The following CFAP210 variants were observed in gnomAD, a reference collection of about 807,000 sequenced individuals.
CFAP210 encodes the protein cilia and flagella associated protein 210, also known as cilia- and flagella- associated protein 210.
the CFAP210 span, among the ~76,000 whole-genome samples, chr2:169,668,477 G>C: frequency 6.6e-6 from 1 of 152,198 alleles, no homozygotes; most frequent in African/African-American, 2.4e-5. Flanking sequence ...CTGTTTGGTG[G>C]AAGAGACTCA....
chr2:169,656,641 T>G, the CFAP210 span, among the ~76,000 whole-genome samples: 2 of 152,040 alleles, frequency 1.3e-5, no homozygotes, highest in Non-Finnish European at 2.9e-5. Context: ...TGAGGCAAAC[T>G]TGAGAACAGA....
At chr2:169,681,053 T>C in the CFAP210 span, 8 of 1,613,818 alleles carry the variant, frequency 5.0e-6, no homozygotes, top group Non-Finnish European at 5.9e-6. Flanking sequence ...AGATCGCAAA[T>C]GCATTTCTTT....
chr2:169,692,444 G>GCACACA, the CFAP210 span, among the ~76,000 whole-genome samples: 346 of 143,784 alleles, frequency 2.4e-3, 1 homozygote, highest in East Asian at 0.011. Flanking sequence ...ACAGGCGCAC[G>GCACACA]CACACACACA....
At chr2:169,677,545 A>G in the CFAP210 span, among the ~76,000 whole-genome samples, 1 of 152,212 alleles carries the variant, frequency 6.6e-6, no homozygotes, top group Admixed American at 6.5e-5. Flanking sequence ...ACACTCAACA[A>G]TTTCGATATA....
chr2:169,646,268 A>G, the CFAP210 span: 1 of 978,100 alleles, frequency 1.0e-6, no homozygotes, highest in Non-Finnish European at 1.5e-6. Context: ...AAATGTAGGT[A>G]TAATTTTCTA....
chr2:169,693,386 G>A, the CFAP210 span, among the ~76,000 whole-genome samples: 1 of 152,240 alleles, frequency 6.6e-6, no homozygotes, highest in Admixed American at 6.5e-5. Context: ...TGGCCATGTT[G>A]GTACTGTTTC....
At chr2:169,661,758 C>T in the CFAP210 span, among the ~76,000 whole-genome samples, 12 of 152,344 alleles carry the variant, frequency 7.9e-5, no homozygotes, top group African/African-American at 2.6e-4. Context: ...CAAAAGGATG[C>T]ACTCCCTTAG....
the CFAP210 span, among the ~76,000 whole-genome samples, chr2:169,685,554 G>T: frequency 2.0e-5 from 3 of 152,126 alleles, no homozygotes; most frequent in African/African-American, 7.2e-5. Context: ...TTCGGTGGAT[G>T]TATTTGCACT....
chr2:169,650,305 T>TA, the CFAP210 span: 1 of 1,530,186 alleles, frequency 6.5e-7, no homozygotes, highest in Non-Finnish European at 8.7e-7. Context: ...TTTCTATTTT[T>TA]ATTTTCATAA....
the CFAP210 span, among the ~76,000 whole-genome samples, chr2:169,672,320 TAGTC>T: frequency 6.6e-6 from 1 of 152,220 alleles, no homozygotes; most frequent in African/African-American, 2.4e-5. Context: ...ACATCTCTAT[TAGTC>T]AGGGGTTTTC....
the CFAP210 span, among the ~76,000 whole-genome samples, chr2:169,677,053 C>T: frequency 0.41 from 61,991 of 151,994 alleles, 12,931 homozygotes; most frequent in Non-Finnish European, 0.44. Context: ...AACCTTCAGG[C>T]AGAGGGAGGC....
chr2:169,649,097 A>C, the CFAP210 span: 2 of 1,214,470 alleles, frequency 1.6e-6, no homozygotes, highest in East Asian at 5.2e-5. Context: ...TTACCTGATG[A>C]AACTGCTTGG....
the CFAP210 span, among the ~76,000 whole-genome samples, chr2:169,664,858 T>C: frequency 6.6e-6 from 1 of 152,236 alleles, no homozygotes; most frequent in Non-Finnish European, 1.5e-5. Context: ...TCTGTACTTA[T>C]CTAGCACAGA....
At chr2:169,645,889 T>C in the CFAP210 span, 1 of 1,613,518 alleles carries the variant, frequency 6.2e-7, no homozygotes, top group Non-Finnish European at 8.5e-7. Flanking sequence ...AATTATATTT[T>C]GGTCCCTGAG....
the CFAP210 span, among the ~76,000 whole-genome samples, chr2:169,681,547 T>C: frequency 5.3e-5 from 8 of 152,176 alleles, no homozygotes; most frequent in African/African-American, 1.9e-4. Context: ...CAACAGCTTG[T>C]TATAAAAGTA....
At chr2:169,660,416 T>C in the CFAP210 span, among the ~76,000 whole-genome samples, 4 of 123,404 alleles carry the variant, frequency 3.2e-5, no homozygotes, top group South Asian at 2.5e-4. Context: ...ACTTTTCATT[T>C]CACTGTTTTT....
At chr2:169,674,739 C>G in the CFAP210 span, 2 of 1,589,008 alleles carry the variant, frequency 1.3e-6, no homozygotes, top group Admixed American at 3.7e-5. Context: ...GCATCACGTT[C>G]TTTCATAACT....
At chr2:169,683,440 AGC>A in the CFAP210 span, among the ~76,000 whole-genome samples, 20 of 152,344 alleles carry the variant, frequency 1.3e-4, no homozygotes, top group South Asian at 4.1e-4. Flanking sequence ...TGCCTAAACC[AGC>A]TCAGCTTGGC....
chr2:169,662,405 T>A, the CFAP210 span: 4 of 1,599,522 alleles, frequency 2.5e-6, no homozygotes, highest in East Asian at 9.0e-5. Flanking sequence ...TATTTTTTCC[T>A]TCTTTCCTCT....
Sources: gnomAD v4.1 joint callset for allele counts (sites outside exome capture counted in the v4.1 genomes callset) on GRCh38, gnomAD v4.1.1 for gene constraint, MANE v1.5 for transcripts, NCBI Gene and HGNC (gene_info 2026-07-23, HGNC 2026-07-21) for gene names.